C12orf42: variants seen among roughly 807,000 people sequenced by gnomAD.
C12orf42 encodes the protein uncharacterized protein C12orf42.
In C12orf42, 25 loss-of-function variants were observed where a neutral mutation model predicts 21.6. That is an observed-to-expected ratio of 1.16 (90% confidence interval 0.84 to 1.62). The LOEUF (loss-of-function observed/expected upper bound fraction) is 1.62. Ranked by LOEUF, C12orf42 falls within the 40% of genes most tolerant of loss-of-function variation. C12orf42 has a pLI of 0.00. For synonymous variants in C12orf42, 174 were observed against 175.0 expected (o/e 0.99, Z 0.05); for missense variants, 483 against 459.3 (o/e 1.05, Z -0.47).
chr12:103,559,268 C>G, the C12orf42 span: 1 of 119,972 alleles, frequency 8.3e-6, no homozygotes, highest in South Asian at 2.5e-4. Flanking sequence ...GACACTCACT[C>G]AGGGGAGATT....
chr12:103,148,669 A>C, the C12orf42 span, among the ~76,000 whole-genome samples: 1 of 152,214 alleles, frequency 6.6e-6, no homozygotes, highest in East Asian at 1.9e-4. Flanking sequence ...ATAAATTGGC[A>C]TTAGTTTAAT....
At chr12:103,155,855 G>A in the C12orf42 span, among the ~76,000 whole-genome samples, 4 of 150,242 alleles carry the variant, frequency 2.7e-5, no homozygotes, top group Non-Finnish European at 5.9e-5. Context: ...ATACATATAT[G>A]AGTGTATATA....
the C12orf42 span, among the ~76,000 whole-genome samples, chr12:103,119,156 A>T: frequency 6.6e-6 from 1 of 152,334 alleles, no homozygotes; most frequent in Admixed American, 6.5e-5. Context: ...TTTGAGGTCT[A>T]ACAGCCTGGA....
downstream of C12orf42, among the ~76,000 whole-genome samples, chr12:103,236,340 C>T (rs1324701406): frequency 6.6e-6 from 1 of 152,150 alleles, no homozygotes; most frequent in African/African-American, 2.4e-5. Flanking sequence ...CTTGTTCCCT[C>T]AATGACTTGA....
the C12orf42 span, among the ~76,000 whole-genome samples, chr12:103,112,425 C>T: frequency 1.3e-5 from 2 of 152,022 alleles, no homozygotes; most frequent in African/African-American, 4.8e-5. Flanking sequence ...TTTGGGAAGC[C>T]GAGGCAGGCG....
chr12:103,458,059 A>G (rs1054124571), intron 2 of C12orf42, among the ~76,000 whole-genome samples: 2 of 152,194 alleles, frequency 1.3e-5, no homozygotes, highest in South Asian at 2.1e-4. Flanking sequence ...AACAAAGAAC[A>G]AAAGCTTAAT....
the C12orf42 span, among the ~76,000 whole-genome samples, chr12:103,507,279 ATAT>A: frequency 2.6e-4 from 21 of 81,420 alleles, no homozygotes; most frequent in South Asian, 9.4e-4. Context: ...TATATTATAT[ATAT>A]TTTTTTTTAA....
the C12orf42 span, chr12:103,505,669 AG>A: frequency 2.5e-5 from 6 of 237,256 alleles, no homozygotes; most frequent in Non-Finnish European, 4.9e-5. Flanking sequence ...GGCATATACC[AG>A]GGATGCAGGG....
At chr12:103,501,625 C>T in the C12orf42 span, among the ~76,000 whole-genome samples, 3 of 152,158 alleles carry the variant, frequency 2.0e-5, no homozygotes, top group East Asian at 5.8e-4. Flanking sequence ...GTTAAATTGT[C>T]CAGACTGTGT....
upstream of C12orf42, among the ~76,000 whole-genome samples, chr12:103,496,774 A>C (rs2374072): frequency 0.88 from 105,517 of 119,740 alleles, 46,824 homozygotes; most frequent in African/African-American, 0.97. Flanking sequence ...CACCCTCCCC[A>C]CCACCCCACA....
upstream of C12orf42, among the ~76,000 whole-genome samples, chr12:103,498,216 A>T (rs1825023106): frequency 6.6e-6 from 1 of 152,270 alleles, no homozygotes; most frequent in Non-Finnish European, 1.5e-5. Flanking sequence ...ACAAAGTATC[A>T]TGAAGTACAG....
At chr12:103,273,683 G>C (rs1281507841) in intron 5 of C12orf42, 1 of 364,006 alleles carries the variant, frequency 2.7e-6, no homozygotes, top group Non-Finnish European at 5.4e-6. Context: ...AGGTGGTATG[G>C]ATATAGTACA....
At chr12:103,210,087 T>C in the C12orf42 span, among the ~76,000 whole-genome samples, 1 of 152,124 alleles carries the variant, frequency 6.6e-6, no homozygotes. Context: ...ACTATGTGAA[T>C]TTTAGACATT....
chr12:103,297,186 T>C (rs1296819309), downstream of C12orf42, among the ~76,000 whole-genome samples: 8 of 152,198 alleles, frequency 5.3e-5, no homozygotes, highest in Admixed American at 5.2e-4. Flanking sequence ...GTGGTATTAT[T>C]TCTGAGGGCT....
chr12:103,426,492 A>G (rs1357492645), intron 2 of C12orf42, among the ~76,000 whole-genome samples: 1 of 152,218 alleles, frequency 6.6e-6, no homozygotes, highest in Admixed American at 6.5e-5. Context: ...TGACTGGTGT[A>G]CCTGAAAGTG....
the C12orf42 span, among the ~76,000 whole-genome samples, chr12:103,530,223 A>G: frequency 6.6e-6 from 1 of 152,334 alleles, no homozygotes; most frequent in African/African-American, 2.4e-5. Flanking sequence ...AAGTATCTGC[A>G]GAGTGTTCCT....
At chr12:103,365,244 T>C (rs888062219) in intron 4 of C12orf42, among the ~76,000 whole-genome samples, 1 of 152,076 alleles carries the variant, frequency 6.6e-6, no homozygotes, top group Admixed American at 6.6e-5. Context: ...ACTCAGTAGA[T>C]GCAGAAAAAG....
intron 4 of C12orf42, among the ~76,000 whole-genome samples, chr12:103,343,587 T>A (rs908176247): frequency 6.6e-6 from 1 of 152,090 alleles, no homozygotes. Flanking sequence ...GAGACCAGCC[T>A]GGCTAACATG....
chr12:103,096,672 A>G, the C12orf42 span, among the ~76,000 whole-genome samples: 1 of 152,248 alleles, frequency 6.6e-6, no homozygotes, highest in Non-Finnish European at 1.5e-5. Context: ...TAATCAATAA[A>G]TACTTCTTAG....
Sources: allele counts gnomAD v4.1 joint callset (sites outside exome capture counted in the v4.1 genomes callset), GRCh38; gene constraint gnomAD v4.1.1; transcripts MANE v1.5; gene names NCBI Gene and HGNC (gene_info 2026-07-23, HGNC 2026-07-21).